The following EIF4G3 variants were observed in gnomAD, a reference collection of about 807,000 sequenced individuals.
EIF4G3 encodes the protein eIF-4-gamma 3.
In EIF4G3, 34 loss-of-function variants were observed where a neutral mutation model predicts 186.4. The observed-to-expected ratio is 0.18, with a 90% CI of 0.14 to 0.24. EIF4G3 has a LOEUF of 0.24. Among genes scored for constraint, EIF4G3 ranks in the 10% least tolerant of loss-of-function variants. EIF4G3 has a pLI of 1.00. For missense variants in EIF4G3, 1,536 were observed against 1,948.5 expected (o/e 0.79, Z 3.99); for synonymous variants, 673 against 679.5 (o/e 0.99, Z 0.15).
chr1:21,031,941 G>T (rs920147426), intron 4 of EIF4G3, among the ~76,000 whole-genome samples: 10 of 152,174 alleles, frequency 6.6e-5, no homozygotes, highest in Non-Finnish European at 1.3e-4. Context: ...CTAACATACA[G>T]TATGTACTCT....
intron 14 of EIF4G3, among the ~76,000 whole-genome samples, chr1:20,920,907 A>AT (rs1394918110): frequency 6.6e-6 from 1 of 152,152 alleles, no homozygotes; most frequent in African/African-American, 2.4e-5. Flanking sequence ...TCCCAATATT[A>AT]TTTTCAAAAC....
At chr1:20,912,414 ACT>A in intron 14 of EIF4G3, among the ~76,000 whole-genome samples, 1 of 124,410 alleles carries the variant, frequency 8.0e-6, no homozygotes, top group East Asian at 3.5e-4. Context: ...TAAGTAAGAG[ACT>A]CTGAATTACA....
At position 20,849,511 on chromosome 1, in the gene EIF4G3, T is replaced by G. The variant is rs2072541012; in HGVS notation, c.3792A>C (p.Ala1264=). ...ATGCAGCCTTGTCATGAGCTGACAT[T>G]GCTGAAATTTCTGGTTTTGCTATTA... ...TRESAKPEIS[A]MSAHDKAALS... Residue 1264 remains alanine, a synonymous_variant, in exon 29 of 37, where the codon GCA becomes GCC. Coordinates refer to ENST00000602326, the MANE Select transcript of EIF4G3 (RefSeq NM_001391906.1). 2 of 1,540,578 alleles carry G rather than the reference T, an allele frequency of 1.3e-6. No homozygotes were observed. The highest frequency in any genetic ancestry group is 4.8e-5 in the East Asian group (2 of 42,012).
At chr1:21,168,405 AT>A (rs200744373) in intron 2 of EIF4G3, among the ~76,000 whole-genome samples, 2 of 147,512 alleles carry the variant, frequency 1.4e-5, no homozygotes, top group Non-Finnish European at 3.0e-5. Flanking sequence ...CTCCGTCTCA[AT>A]TTTTTAAAAA....
intron 31 of EIF4G3, among the ~76,000 whole-genome samples, chr1:20,828,933 C>G (rs2064359733): frequency 2.0e-5 from 3 of 152,196 alleles, no homozygotes; most frequent in Admixed American, 2.0e-4. Context: ...CTACCCTCAA[C>G]AGACCACAGG....
At chr1:20,957,672 A>G (rs959619902) in intron 12 of EIF4G3, among the ~76,000 whole-genome samples, 4 of 152,178 alleles carry the variant, frequency 2.6e-5, no homozygotes, top group Non-Finnish European at 5.9e-5. Flanking sequence ...AACCAAGAAA[A>G]GAGAGAAGAT....
chr1:21,023,759 G>C (rs943408015), intron 4 of EIF4G3, among the ~76,000 whole-genome samples: 1 of 144,144 alleles, frequency 6.9e-6, no homozygotes, highest in Non-Finnish European at 1.5e-5. Flanking sequence ...TGGCTGCCCA[G>C]TCTGGAAAGT....
At position 20,911,209 on chromosome 1, in the gene EIF4G3, G is replaced by A. The variant is rs573170706; in HGVS notation, c.1664-6238C>T. On this transcript the variant is annotated intron_variant, in intron 14 of 36. Coordinates refer to ENST00000602326, the MANE Select transcript of EIF4G3 (RefSeq NM_001391906.1). ...CTGGAGAACTTACGGAGTTCATAGA[G>A]AGTACTCATTTTATACCCGAAAAAA... Among the ~76,000 whole-genome samples the A allele has an allele frequency of 2.0e-5, 3 of 152,236 alleles. No homozygotes were observed. The South Asian group carries it at 6.2e-4, about 32-fold the overall frequency.
At chr1:21,053,680 G>C (rs374607024) in intron 3 of EIF4G3, among the ~76,000 whole-genome samples, 1 of 132,888 alleles carries the variant, frequency 7.5e-6, no homozygotes, top group East Asian at 2.2e-4. Flanking sequence ...GAAGTGAGGA[G>C]CCCCTCTGCC....
At chr1:21,140,631 C>T (rs574857664) in intron 2 of EIF4G3, among the ~76,000 whole-genome samples, 2 of 152,238 alleles carry the variant, frequency 1.3e-5, no homozygotes, top group East Asian at 3.9e-4. Flanking sequence ...ATTTATGCAG[C>T]AGGTTATAAA....
intron 2 of EIF4G3, among the ~76,000 whole-genome samples, chr1:21,144,493 G>A: frequency 6.6e-6 from 1 of 151,486 alleles, no homozygotes; most frequent in Admixed American, 6.6e-5. Context: ...CTGGCCTCAA[G>A]CAATCCTTCC....
At chr1:21,156,127 CAAA>C (rs59546159) in intron 2 of EIF4G3, among the ~76,000 whole-genome samples, 2 of 125,334 alleles carry the variant, frequency 1.6e-5, no homozygotes. Flanking sequence ...AACTCTGTCT[CAAA>C]AAAAAAAAAA....
rs148337892 is a variant in EIF4G3 at position 20,941,671 on chromosome 1, C to T, written c.1483G>A (p.Val495Ile). 135 of 1,613,458 alleles carry T rather than the reference C, an allele frequency of 8.4e-5. No individual in the cohort carries two copies. The African/African-American group carries it at 1.5e-3, about 18-fold the overall frequency. Residue 495 changes from valine to isoleucine, a missense_variant, in exon 14 of 37, where the codon GTT (valine) becomes ATT (isoleucine). Transcript: ENST00000602326. ...GTGATGGCAGCACTCGGAGAACTAA[C>T]AGTAGTGGCAGCAGCAGGAACAATG... is the stretch of plus-strand genomic sequence containing the variant. ...PVIVPAAATT[V>I]SSPSAAITVQ...
intron 16 of EIF4G3, among the ~76,000 whole-genome samples, chr1:20,897,875 AAATAT>A (rs1479317266): frequency 6.6e-5 from 10 of 151,846 alleles, no homozygotes; most frequent in East Asian, 3.8e-4. Flanking sequence ...AAAAGAATTA[AAATAT>A]AATATAAAAT....
intron 14 of EIF4G3, among the ~76,000 whole-genome samples, chr1:20,928,893 CTT>C (rs2095124914): frequency 6.6e-6 from 1 of 152,160 alleles, no homozygotes; most frequent in African/African-American, 2.4e-5. Flanking sequence ...TCCCCACTCT[CTT>C]CTCTCCCCAA....
At chr1:20,950,146 G>A in intron 12 of EIF4G3, 35 bp from the exon 13 acceptor site, 2 of 1,489,710 alleles carry the variant, frequency 1.3e-6, no homozygotes, top group South Asian at 1.3e-5. Context: ...GTGATAATGA[G>A]CGTGCGAACA....
At chr1:20,856,612 C>A (rs1167055862) in intron 25 of EIF4G3, among the ~76,000 whole-genome samples, 1 of 150,600 alleles carries the variant, frequency 6.6e-6, no homozygotes, top group Non-Finnish European at 1.5e-5. Flanking sequence ...GGAAAGCAGA[C>A]AGAGTCTCTT....
chr1:20,981,378 G>A (rs1222015203), intron 8 of EIF4G3, 151 bp from the exon 9 acceptor site: 11 of 610,536 alleles, frequency 1.8e-5, no homozygotes, highest in Admixed American at 3.1e-5. Flanking sequence ...CTATTGCTGG[G>A]TTCCCAAAAA....
intron 2 of EIF4G3, chr1:21,162,103 G>C: frequency 6.2e-6 from 1 of 160,402 alleles, no homozygotes; most frequent in Admixed American, 6.0e-5. Flanking sequence ...AATCACTATT[G>C]AAATGGCATC....
Sources: allele counts gnomAD v4.1 joint callset (sites outside exome capture counted in the v4.1 genomes callset), GRCh38; gene constraint gnomAD v4.1.1; transcripts MANE v1.5; gene names NCBI Gene and HGNC (gene_info 2026-07-23, HGNC 2026-07-21).